The following DGLUCY variants were observed in gnomAD, a reference collection of about 807,000 sequenced individuals.
DGLUCY encodes D-glutamate cyclase.
DGLUCY carries 58 observed loss-of-function variants against 58.5 expected under a neutral mutation model. That is an observed-to-expected ratio of 0.99 (90% CI 0.80 to 1.23). The LOEUF is 1.23. Among genes scored for constraint, DGLUCY ranks in the 50% most tolerant of loss-of-function variants. The pLI, the probability that DGLUCY is intolerant of heterozygous loss-of-function variation, is 0.00. For missense variants in DGLUCY, 779 were observed against 784.7 expected (o/e 0.99, Z 0.09); for synonymous variants, 325 against 314.1 (o/e 1.03, Z -0.37).
chr14:91,220,585 G>A lies in DGLUCY; in HGVS notation c.1717-4099G>A, dbSNP rs562768025. ...CTGGGGCCTCCAGATGCCATGTGGCGTCATGTGGGACTGTCTGTCTTTCCC... is the reference window on the plus strand; with the variant it reads ...CTGGGGCCTCCAGATGCCATGTGGCATCATGTGGGACTGTCTGTCTTTCCC... On this transcript the variant is annotated intron_variant, in intron 13 of 13. Coordinates refer to ENST00000256324, the MANE Select transcript of DGLUCY (RefSeq NM_001102368.3). 187 of 456,328 alleles carry A rather than the reference G, an allele frequency of 4.1e-4. 1 individual carries two copies. Among genetic ancestry groups the A allele is most frequent in the South Asian group, 2.6e-3 (170 of 64,572 alleles). The allele number at this position is 456,328 out of a possible 1,614,324, so 28.3% of individuals were successfully genotyped here.
At chr14:91,170,981 G>C (rs1201957626) in intron 5 of DGLUCY, among the ~76,000 whole-genome samples, 1 of 152,156 alleles carries the variant, frequency 6.6e-6, no homozygotes. Flanking sequence ...CAACAAAGCT[G>C]CCCATAGTCT....
chr14:91,118,964 A>G (rs2045175912), intron 1 of DGLUCY, among the ~76,000 whole-genome samples: 1 of 152,172 alleles, frequency 6.6e-6, no homozygotes, highest in Admixed American at 6.5e-5. Context: ...CTACCTAAAA[A>G]GTTAAAAAAA....
At chr14:91,149,968 C>G (rs1210319339) in intron 1 of DGLUCY, among the ~76,000 whole-genome samples, 2 of 152,050 alleles carry the variant, frequency 1.3e-5, no homozygotes, top group South Asian at 4.2e-4. Flanking sequence ...CACCTGTAAT[C>G]CCAGCACTTT....
chr14:91,160,273 G>T lies in DGLUCY; in HGVS notation c.-22G>T. The T allele has an allele frequency of 6.3e-7, 1 of 1,579,784 alleles. No homozygotes were observed. Among genetic ancestry groups the T allele is most frequent in the Non-Finnish European group, 8.7e-7 (1 of 1,149,170 alleles). On this transcript the variant is annotated 5_prime_UTR_variant, in exon 3 of 14. Coordinates refer to ENST00000256324, the MANE Select transcript of DGLUCY (RefSeq NM_001102368.3). ...TTTCCTTCCCTCACCCAGATTCTCTGCTACTTATTCAAGTTGACACGATGC... is the reference window on the plus strand; with the variant it reads ...TTTCCTTCCCTCACCCAGATTCTCTTCTACTTATTCAAGTTGACACGATGC...
intron 7 of DGLUCY, among the ~76,000 whole-genome samples, chr14:91,177,965 C>A (rs900787196): frequency 3.9e-5 from 6 of 152,234 alleles, no homozygotes; most frequent in African/African-American, 1.4e-4. Context: ...CACCCACCCA[C>A]GTGCAGTAAA....
At chr14:91,081,046 A>T (rs1246651220) in intron 1 of DGLUCY, among the ~76,000 whole-genome samples, 1 of 152,164 alleles carries the variant, frequency 6.6e-6, no homozygotes, top group Non-Finnish European at 1.5e-5. Flanking sequence ...TACTAAAAAT[A>T]CAAAAAATTA....
At chr14:91,172,294 G>T (rs1411513396) in intron 5 of DGLUCY, among the ~76,000 whole-genome samples, 1 of 152,176 alleles carries the variant, frequency 6.6e-6, no homozygotes, top group Admixed American at 6.5e-5. Context: ...GCCCAGGCTG[G>T]TCTTGAACTT....
intron 8 of DGLUCY, among the ~76,000 whole-genome samples, chr14:91,186,608 G>A (rs77288600): frequency 2.6e-5 from 4 of 152,126 alleles, no homozygotes; most frequent in Admixed American, 1.3e-4. Context: ...TTAATATGCT[G>A]TTATTTAATA....
At chr14:91,159,437 G>A (rs375821612) in intron 2 of DGLUCY, among the ~76,000 whole-genome samples, 15 of 152,100 alleles carry the variant, frequency 9.9e-5, no homozygotes, top group East Asian at 5.8e-4. Context: ...ACAGAGTGGC[G>A]AGACTCTGCC....
intron 1 of DGLUCY, among the ~76,000 whole-genome samples, chr14:91,071,584 T>C (rs1294723633): frequency 6.6e-6 from 1 of 151,834 alleles, no homozygotes; most frequent in Non-Finnish European, 1.5e-5. Context: ...AAGAACAAAA[T>C]GTAGGCTAGG....
At chr14:91,166,889 C>G (rs2048313017) in intron 3 of DGLUCY, among the ~76,000 whole-genome samples, 1 of 152,258 alleles carries the variant, frequency 6.6e-6, no homozygotes, top group African/African-American at 2.4e-5. Flanking sequence ...CACCTGAGGT[C>G]AGGAGTTCAA....
intron 11 of DGLUCY, among the ~76,000 whole-genome samples, chr14:91,202,661 G>C (rs979476621): frequency 6.6e-6 from 1 of 152,092 alleles, no homozygotes; most frequent in Non-Finnish European, 1.5e-5. Flanking sequence ...TCAGAGTGGA[G>C]AAAAAAGAGA....
At chr14:91,211,182 AAG>A (rs1885629756) in intron 12 of DGLUCY, among the ~76,000 whole-genome samples, 1 of 152,216 alleles carries the variant, frequency 6.6e-6, no homozygotes, top group Non-Finnish European at 1.5e-5. Context: ...GGTATCAAAA[AAG>A]AACTATATCA....
chr14:91,222,374 G>A (rs1378276384), intron 13 of DGLUCY, among the ~76,000 whole-genome samples: 1 of 152,222 alleles, frequency 6.6e-6, no homozygotes, highest in Non-Finnish European at 1.5e-5. Context: ...ACAGTGTGCT[G>A]TGAGGAAATG....
Position 91,224,671 on chromosome 14 carries a change from T to A in DGLUCY, c.1717-13T>A, listed in dbSNP as rs775630630. ...CCCTCCACTCCTTCTATTTCTGCCC[T>A]ATTTTTTTCCAGGAAGAAAAAATGC... On this transcript the variant is annotated splice_polypyrimidine_tract_variant and intron_variant, in intron 13 of 13. Transcript: ENST00000256324. 21 of 1,587,082 alleles carry A rather than the reference T, an allele frequency of 1.3e-5. No individual in the cohort carries two copies. Among genetic ancestry groups the A allele is most frequent in the South Asian group, 4.5e-5 (4 of 89,552 alleles).
At chr14:91,074,214 T>C (rs188920043) in intron 1 of DGLUCY, among the ~76,000 whole-genome samples, 2 of 140,128 alleles carry the variant, frequency 1.4e-5, no homozygotes, top group South Asian at 2.3e-4. Flanking sequence ...GAAGATCACA[T>C]GAGCCTAGGA....
At chr14:91,132,504 AGTCTTGCTCT>A (rs2046080102) in intron 1 of DGLUCY, among the ~76,000 whole-genome samples, 1 of 149,180 alleles carries the variant, frequency 6.7e-6, no homozygotes, top group Admixed American at 6.7e-5. Context: ...CTTGAGACAC[AGTCTTGCTCT>A]GTCACCCAGG....
chr14:91,113,117 T>C (rs1416455165), upstream of DGLUCY, among the ~76,000 whole-genome samples: 2 of 150,882 alleles, frequency 1.3e-5, no homozygotes, highest in African/African-American at 4.9e-5. Context: ...CCAGCCAGCA[T>C]GGTGAAACCC....
chr14:91,123,128 C>G (rs905331174), intron 1 of DGLUCY, among the ~76,000 whole-genome samples: 3 of 152,126 alleles, frequency 2.0e-5, no homozygotes, highest in African/African-American at 7.2e-5. Flanking sequence ...ACCTTAGTTA[C>G]TAGTGACGGC....
Sources: gnomAD v4.1 joint callset for allele counts (sites outside exome capture counted in the v4.1 genomes callset) on GRCh38, gnomAD v4.1.1 for gene constraint, MANE v1.5 for transcripts, NCBI Gene and HGNC (gene_info 2026-07-23, HGNC 2026-07-21) for gene names.